The following XNDC1N variants were observed in gnomAD, a reference collection of about 807,000 sequenced individuals.
XNDC1N encodes the protein XRCC1 N-terminal domain containing 1, N-terminal like, also known as protein XNDC1N.
the XNDC1N span, among the ~76,000 whole-genome samples, chr11:71,920,730 A>G: frequency 1.3e-5 from 2 of 152,360 alleles, no homozygotes; most frequent in South Asian, 4.1e-4. Context: ...CAATATCAAC[A>G]ATAGTGATAT....
the XNDC1N span, among the ~76,000 whole-genome samples, chr11:71,881,651 T>C: frequency 6.6e-6 from 1 of 152,046 alleles, no homozygotes; most frequent in Non-Finnish European, 1.5e-5. Flanking sequence ...AAAAAAAATC[T>C]TCAAATATGA....
the XNDC1N span, among the ~76,000 whole-genome samples, chr11:71,870,561 G>A: frequency 6.6e-6 from 1 of 152,130 alleles, no homozygotes; most frequent in African/African-American, 2.4e-5. Context: ...AAAATAAAAA[G>A]CTTATGCACA....
At chr11:71,895,475 A>ATTTTTTTTTT in the XNDC1N span, among the ~76,000 whole-genome samples, 8 of 98,352 alleles carry the variant, frequency 8.1e-5, no homozygotes, top group Non-Finnish European at 1.0e-4. Flanking sequence ...ATGCCTGGCT[A>ATTTTTTTTTT]TTTTTTTTTT....
chr11:71,913,722 A>G, the XNDC1N span, among the ~76,000 whole-genome samples: 2 of 151,788 alleles, frequency 1.3e-5, no homozygotes, highest in East Asian at 3.9e-4. Flanking sequence ...TAGGAGTTTC[A>G]TAGCTAGAGA....
chr11:71,921,818 C>T, the XNDC1N span, among the ~76,000 whole-genome samples: 1 of 152,064 alleles, frequency 6.6e-6, no homozygotes, highest in Non-Finnish European at 1.5e-5. Context: ...CAGTGGAAAA[C>T]ACGAAGTTTG....
chr11:71,899,494 G>C, the XNDC1N span, among the ~76,000 whole-genome samples: 1 of 152,346 alleles, frequency 6.6e-6, no homozygotes, highest in Admixed American at 6.5e-5. Flanking sequence ...TTAATGTGTA[G>C]ATTTGCCCCA....
chr11:71,891,673 C>T, the XNDC1N span, among the ~76,000 whole-genome samples: 9 of 151,798 alleles, frequency 5.9e-5, no homozygotes, highest in African/African-American at 2.2e-4. Flanking sequence ...ACAATTACTT[C>T]GATATTGGGA....
At chr11:71,898,342 C>T in the XNDC1N span, among the ~76,000 whole-genome samples, 1 of 152,096 alleles carries the variant, frequency 6.6e-6, no homozygotes, top group Non-Finnish European at 1.5e-5. Context: ...CTCAGTGGCT[C>T]GCACATGTAA....
chr11:71,915,850 T>C, the XNDC1N span, among the ~76,000 whole-genome samples: 1 of 152,192 alleles, frequency 6.6e-6, no homozygotes, highest in Non-Finnish European at 1.5e-5. Flanking sequence ...TTGTGTATAC[T>C]GTATCCAAGG....
At chr11:71,884,937 C>T in the XNDC1N span, among the ~76,000 whole-genome samples, 1 of 149,144 alleles carries the variant, frequency 6.7e-6, no homozygotes, top group Non-Finnish European at 1.5e-5. Context: ...ACCCCCATTG[C>T]AGGGGGATGA....
the XNDC1N span, among the ~76,000 whole-genome samples, chr11:71,867,893 T>A: frequency 6.6e-6 from 1 of 152,202 alleles, no homozygotes; most frequent in South Asian, 2.1e-4. Context: ...GGTGTTGAAG[T>A]CTCCCACTAC....
At chr11:71,866,454 T>A in the XNDC1N span, among the ~76,000 whole-genome samples, 1 of 152,326 alleles carries the variant, frequency 6.6e-6, no homozygotes, top group East Asian at 1.9e-4. Flanking sequence ...GCATAGTTGA[T>A]AAACCCCAAA....
chr11:71,888,334 G>GC, the XNDC1N span, among the ~76,000 whole-genome samples: 1 of 152,180 alleles, frequency 6.6e-6, no homozygotes, highest in Non-Finnish European at 1.5e-5. Context: ...ATTCTTAGGA[G>GC]CTGTGGGGTT....
At chr11:71,908,691 T>G in the XNDC1N span, among the ~76,000 whole-genome samples, 46 of 152,104 alleles carry the variant, frequency 3.0e-4, no homozygotes, top group African/African-American at 1.1e-3. Context: ...CCCTAATTGA[T>G]TTGCTCCAAG....
At chr11:71,880,965 A>G in the XNDC1N span, among the ~76,000 whole-genome samples, 1 of 152,198 alleles carries the variant, frequency 6.6e-6, no homozygotes. Flanking sequence ...CTGTGTGATG[A>G]GGAGAAGAAT....
chr11:71,868,252 C>A, the XNDC1N span, among the ~76,000 whole-genome samples: 2 of 152,136 alleles, frequency 1.3e-5, no homozygotes, highest in Admixed American at 1.3e-4. Context: ...CACTTTGTGC[C>A]TTTTAAGTAG....
the XNDC1N span, among the ~76,000 whole-genome samples, chr11:71,921,441 G>A: frequency 6.6e-6 from 1 of 151,906 alleles, no homozygotes; most frequent in Non-Finnish European, 1.5e-5. Flanking sequence ...ACCGCACCTG[G>A]CTAATTTTAA....
the XNDC1N span, chr11:71,917,401 A>C: frequency 1.6e-6 from 1 of 616,780 alleles, no homozygotes; most frequent in Non-Finnish European, 2.9e-6. Flanking sequence ...AATAGTTCAT[A>C]AATCTCCATC....
At chr11:71,898,560 T>A in the XNDC1N span, among the ~76,000 whole-genome samples, 38 of 152,276 alleles carry the variant, frequency 2.5e-4, 1 homozygote, top group Non-Finnish European at 7.3e-5. Context: ...TGAGGCGACA[T>A]CACGCCACTG....
Sources: gnomAD v4.1 joint callset for allele counts (sites outside exome capture counted in the v4.1 genomes callset) on GRCh38, gnomAD v4.1.1 for gene constraint, MANE v1.5 for transcripts, NCBI Gene and HGNC (gene_info 2026-07-23, HGNC 2026-07-21) for gene names.